The following SENP7 variants were observed in gnomAD, a reference collection of about 807,000 sequenced individuals.
SENP7 encodes sentrin-specific protease 7.
In SENP7, 64 loss-of-function variants were observed where a neutral mutation model predicts 141.2. The ratio of observed to expected loss-of-function variants is 0.45; its 90% CI spans 0.37 to 0.56. The LOEUF (loss-of-function observed/expected upper bound fraction) is 0.56, where lower values mean the gene tolerates loss of function less well. Ranked by LOEUF, SENP7 falls within the 20% of genes least tolerant of loss-of-function variation. The probability of loss-of-function intolerance (pLI) is 0.00; values close to 1 mark genes in which losing one functional copy is unlikely to be tolerated. For missense variants in SENP7, 1,025 were observed against 1,212.2 expected (o/e 0.85, Z 2.29); for synonymous variants, 382 against 426.4 (o/e 0.90, Z 1.28).
intron 6 of SENP7, among the ~76,000 whole-genome samples, chr3:101,381,082 A>G (rs1409926624): frequency 1.3e-5 from 2 of 152,240 alleles, no homozygotes; most frequent in Non-Finnish European, 2.9e-5. Context: ...AAAATTCAGA[A>G]AAGTGGTTAA....
chr3:101,487,811 T>C (rs1372444466), intron 3 of SENP7, among the ~76,000 whole-genome samples: 1 of 152,210 alleles, frequency 6.6e-6, no homozygotes, highest in African/African-American at 2.4e-5. Context: ...TCTTTTCCAT[T>C]GCTCTATGTG....
Position 101,327,737 on chromosome 3 carries a change from T to A in SENP7, c.2944A>T (p.Lys982Ter). 6.2e-7 allele frequency: 1 copy of A among 1,612,170 alleles called. No homozygotes were observed. The highest frequency in any genetic ancestry group is 8.5e-7 in the Non-Finnish European group (1 of 1,178,774). ...CTGCTATTGTCCTGTTTAGGAACTTTAGGGCATAGATCCACCATGTTTGTT... is the reference window on the plus strand; with the variant it reads ...CTGCTATTGTCCTGTTTAGGAACTTAAGGGCATAGATCCACCATGTTTGTT... ...SKTNMVDLCP[K>*]VPKQDNSSDC... Residue 982 changes from lysine to a stop codon, truncating the protein, a stop_gained, in exon 23 of 24, where the codon AAA becomes TAA. Coordinates refer to ENST00000394095, the MANE Select transcript of SENP7 (RefSeq NM_020654.5). LOFTEE classifies it high-confidence loss of function.
chr3:101,411,678 T>C (rs549089779), intron 5 of SENP7, among the ~76,000 whole-genome samples: 5 of 152,330 alleles, frequency 3.3e-5, no homozygotes, highest in East Asian at 3.9e-4. Context: ...CTGCAAGGAA[T>C]TGAAGTATAT....
chr3:101,362,312 G>A (rs2059922957), intron 10 of SENP7, among the ~76,000 whole-genome samples: 1 of 152,138 alleles, frequency 6.6e-6, no homozygotes, highest in Admixed American at 6.5e-5. Flanking sequence ...AAAGTTAACA[G>A]ATGTTTAGAT....
At chr3:101,492,119 C>G (rs2064991902) in intron 3 of SENP7, among the ~76,000 whole-genome samples, 2 of 151,780 alleles carry the variant, frequency 1.3e-5, no homozygotes, top group African/African-American at 2.4e-5. Flanking sequence ...TTAATAGAGC[C>G]AAGTGCGGGG....
chr3:101,385,068 C>T (rs545319124), intron 6 of SENP7, among the ~76,000 whole-genome samples: 21 of 152,014 alleles, frequency 1.4e-4, no homozygotes, highest in African/African-American at 4.8e-4. Flanking sequence ...AAAGTTTAAT[C>T]GTAACACCTA....
In SENP7 at chr3:101,346,221, C is replaced by T. The variant is rs546734055; in HGVS notation, c.1837+1651G>A. ...AAAACCACAATGCGATACCACCTTA[C>T]TCCCACAAGAATGGTCATTATCAAA... On this transcript the variant is annotated intron_variant, in intron 13 of 23. Coordinates refer to ENST00000394095, the MANE Select transcript of SENP7 (RefSeq NM_020654.5). 1.6e-3 allele frequency among the ~76,000 whole-genome samples: 240 copies of T among 152,282 alleles called. 1 individual carries two copies. Among genetic ancestry groups the T allele is most frequent in the African/African-American group, 5.5e-3 (227 of 41,562 alleles).
Position 101,343,762 on chromosome 3 carries a change from T to G in SENP7, c.2030A>C (p.Tyr677Ser). ...GAAAGAACAAGTTGAAACACAGTAA[T>G]AATGAATAAAAGAACTTTCTTTTGA... is the stretch of plus-strand genomic sequence containing the variant. Reference protein sequence around the residue: ...LSSKESSFIHYYCVSTCSFPA... With the variant: ...LSSKESSFIHSYCVSTCSFPA... Residue 677 changes from tyrosine (Y) to serine (S), a missense_variant, in exon 14 of 24, where the codon TAT (tyrosine) becomes TCT (serine). Transcript: ENST00000394095. The G allele has an allele frequency of 6.2e-7, 1 of 1,613,830 alleles. No individual in the cohort carries two copies. The highest frequency in any genetic ancestry group is 1.7e-4 in the Middle Eastern group (1 of 6,058).
chr3:101,481,479 C>G (rs567377119), intron 3 of SENP7, among the ~76,000 whole-genome samples: 24 of 152,158 alleles, frequency 1.6e-4, no homozygotes, highest in African/African-American at 5.8e-4. Flanking sequence ...ATACTAGAGG[C>G]TGGGAAGGGT....
intron 4 of SENP7, among the ~76,000 whole-genome samples, chr3:101,444,668 C>T (rs1370735157): frequency 6.9e-6 from 1 of 144,856 alleles, no homozygotes; most frequent in Non-Finnish European, 1.5e-5. Context: ...CGTATACTCT[C>T]ACTCATAGGT....
At chr3:101,457,818 T>C in intron 4 of SENP7, 1 of 582,290 alleles carries the variant, frequency 1.7e-6, no homozygotes, top group Non-Finnish European at 3.1e-6. Flanking sequence ...GGCGCACACA[T>C]GCGGAGATGC....
chr3:101,512,476 C>T (rs527488165), intron 1 of SENP7, among the ~76,000 whole-genome samples: 2 of 152,344 alleles, frequency 1.3e-5, no homozygotes, highest in South Asian at 4.1e-4. Context: ...GAAAGCACGG[C>T]TTCAAATCCT....
chr3:101,466,753 C>T (rs1422550198), intron 3 of SENP7, among the ~76,000 whole-genome samples: 2 of 152,188 alleles, frequency 1.3e-5, no homozygotes, highest in Non-Finnish European at 2.9e-5. Context: ...CAGTCTGCGG[C>T]TCCCAGCATG....
At chr3:101,484,087 C>T (rs1185128909) in intron 3 of SENP7, among the ~76,000 whole-genome samples, 1 of 152,036 alleles carries the variant, frequency 6.6e-6, no homozygotes, top group Non-Finnish European at 1.5e-5. Context: ...AACCATAAAA[C>T]TCCTAGAAGA....
At chr3:101,477,369 A>G (rs2064260817) in intron 3 of SENP7, among the ~76,000 whole-genome samples, 1 of 152,196 alleles carries the variant, frequency 6.6e-6, no homozygotes, top group Admixed American at 6.5e-5. Flanking sequence ...ATTAAGAGGG[A>G]AATCAAGAAA....
At chr3:101,424,148 G>A (rs2107682542) in intron 4 of SENP7, among the ~76,000 whole-genome samples, 1 of 152,238 alleles carries the variant, frequency 6.6e-6, no homozygotes, top group South Asian at 2.1e-4. Context: ...CAGGGCCGCA[G>A]CCTGGTGGTG....
intron 4 of SENP7, among the ~76,000 whole-genome samples, chr3:101,443,301 T>A (rs566275103): frequency 1.8e-3 from 268 of 152,198 alleles, no homozygotes; most frequent in Non-Finnish European, 2.8e-3. Flanking sequence ...TCTGTTCCAT[T>A]GATCTATATC....
intron 14 of SENP7, among the ~76,000 whole-genome samples, chr3:101,342,807 A>G (rs1423786315): frequency 1.3e-5 from 2 of 152,048 alleles, no homozygotes; most frequent in African/African-American, 4.8e-5. Context: ...CTGGGATTAC[A>G]GGAATGCGCC....
At chr3:101,474,256 C>T (rs2064125256) in intron 3 of SENP7, among the ~76,000 whole-genome samples, 1 of 152,168 alleles carries the variant, frequency 6.6e-6, no homozygotes, top group African/African-American at 2.4e-5. Flanking sequence ...ATAAGAATAG[C>T]ATTAAATCTA....
Sources: allele counts gnomAD v4.1 joint callset (sites outside exome capture counted in the v4.1 genomes callset), GRCh38; gene constraint gnomAD v4.1.1; transcripts MANE v1.5; gene names NCBI Gene and HGNC (gene_info 2026-07-23, HGNC 2026-07-21).